Variants in ARMH3 observed in about 807,000 individuals in gnomAD.
The protein encoded by ARMH3 is armadillo like helical domain containing 3.
A neutral mutation model predicts 99.1 loss-of-function variants in ARMH3; 60 were observed. The ratio of observed to expected loss-of-function variants is 0.61; its 90% CI spans 0.49 to 0.75. The LOEUF (loss-of-function observed/expected upper bound fraction) is 0.75, where lower values mean the gene tolerates loss of function less well. ARMH3 is among the 30% of genes least tolerant of loss of function. The probability of loss-of-function intolerance (pLI) is 0.00; values close to 1 mark genes in which losing one functional copy is unlikely to be tolerated. For missense variants in ARMH3, 679 were observed against 843.1 expected (o/e 0.81, Z 2.41); for synonymous variants, 285 against 292.8 (o/e 0.97, Z 0.27).
chr10:101,922,739 A>C (rs1260525581), intron 23 of ARMH3, among the ~76,000 whole-genome samples: 1 of 152,246 alleles, frequency 6.6e-6, no homozygotes, highest in Non-Finnish European at 1.5e-5. Flanking sequence ...CTAGTAAATT[A>C]TCTCACAAGA....
intron 24 of ARMH3, among the ~76,000 whole-genome samples, chr10:101,869,297 C>G (rs2067079501): frequency 6.6e-6 from 1 of 150,596 alleles, no homozygotes; most frequent in Non-Finnish European, 1.5e-5. Context: ...AACAACTCAA[C>G]AACAAGGGAA....
chr10:101,873,396 G>A (rs1180283896), intron 24 of ARMH3, among the ~76,000 whole-genome samples: 1 of 151,576 alleles, frequency 6.6e-6, no homozygotes, highest in Non-Finnish European at 1.5e-5. Context: ...TGGGGGACAG[G>A]GCAAGATTCT....
intron 22 of ARMH3, among the ~76,000 whole-genome samples, chr10:101,948,321 T>G (rs545791095): frequency 2.0e-5 from 3 of 152,044 alleles, no homozygotes; most frequent in African/African-American, 7.2e-5. Context: ...AGTCCAAGAG[T>G]TTGAGGATGT....
chr10:101,859,865 T>A (rs767373666), intron 24 of ARMH3, among the ~76,000 whole-genome samples: 1 of 152,152 alleles, frequency 6.6e-6, no homozygotes, highest in Non-Finnish European at 1.5e-5. Flanking sequence ...TAAATTCCTT[T>A]AAATGCTATC....
intron 23 of ARMH3, among the ~76,000 whole-genome samples, chr10:101,939,177 A>G (rs766498681): frequency 6.6e-6 from 1 of 152,202 alleles, no homozygotes; most frequent in Admixed American, 6.5e-5. Flanking sequence ...TCAATTGTTT[A>G]TAAGAACAGT....
chr10:101,872,032 T>C (rs1378332490), intron 24 of ARMH3, among the ~76,000 whole-genome samples: 2 of 151,922 alleles, frequency 1.3e-5, no homozygotes, highest in Non-Finnish European at 2.9e-5. Context: ...ATGAACATTT[T>C]TGCAACCAGA....
intron 19 of ARMH3, among the ~76,000 whole-genome samples, chr10:101,976,197 A>G (rs1174477924): frequency 1.5e-5 from 2 of 136,802 alleles, no homozygotes; most frequent in East Asian, 4.8e-4. Context: ...AAAAAAAGCC[A>G]GGTGCAGTGG....
intron 14 of ARMH3, among the ~76,000 whole-genome samples, chr10:102,003,103 A>G (rs2066405053): frequency 6.6e-6 from 1 of 152,172 alleles, no homozygotes; most frequent in Non-Finnish European, 1.5e-5. Context: ...TCTGAGCCAC[A>G]GTCCCAATGA....
chr10:102,049,719 C>T (rs117217505), intron 1 of ARMH3, among the ~76,000 whole-genome samples: 5,330 of 151,560 alleles, frequency 0.035, 138 homozygotes, highest in Non-Finnish European at 0.052. Flanking sequence ...CCAGGCCTGG[C>T]TAACTTTTCA....
chr10:102,021,429 C>G (rs567171272), intron 8 of ARMH3, among the ~76,000 whole-genome samples: 37 of 150,960 alleles, frequency 2.5e-4, no homozygotes, highest in African/African-American at 9.0e-4. Context: ...GTCACCCAGA[C>G]TGGAGTGCAG....
At chr10:101,853,999 G>T (rs1016511883) in intron 24 of ARMH3, among the ~76,000 whole-genome samples, 11 of 152,192 alleles carry the variant, frequency 7.2e-5, no homozygotes, top group Non-Finnish European at 1.3e-4. Flanking sequence ...TGTAATCCCA[G>T]CTACTCGGGA....
chr10:102,049,525 G>A (rs1419125445), intron 1 of ARMH3, among the ~76,000 whole-genome samples: 13 of 151,486 alleles, frequency 8.6e-5, no homozygotes, highest in Non-Finnish European at 1.9e-4. Context: ...CTGGGGGATA[G>A]AGCGAGACTC....
At chr10:101,980,843 A>AC (rs1846196717) in intron 19 of ARMH3, among the ~76,000 whole-genome samples, 1 of 152,226 alleles carries the variant, frequency 6.6e-6, no homozygotes, top group African/African-American at 2.4e-5. Flanking sequence ...GATCAAGAAA[A>AC]TGTGGTACAT....
intron 24 of ARMH3, among the ~76,000 whole-genome samples, chr10:101,888,484 C>T (rs1056792792): frequency 8.5e-5 from 13 of 152,312 alleles, no homozygotes; most frequent in East Asian, 1.9e-4. Flanking sequence ...AGGAAAAAGG[C>T]TTGCTTGGTG....
At chr10:101,910,558 C>G (rs551704363) in intron 23 of ARMH3, among the ~76,000 whole-genome samples, 2 of 151,566 alleles carry the variant, frequency 1.3e-5, no homozygotes, top group East Asian at 3.9e-4. Context: ...GGCAAAACAT[C>G]GTCTCTACTA....
intron 1 of ARMH3, among the ~76,000 whole-genome samples, chr10:102,040,464 A>C (rs191443946): frequency 3.3e-5 from 5 of 152,360 alleles, no homozygotes; most frequent in African/African-American, 1.2e-4. Flanking sequence ...AAAGCCAGTC[A>C]GTGCCAGAAT....
At chr10:101,923,197 G>A (rs1050466385) in intron 23 of ARMH3, among the ~76,000 whole-genome samples, 1 of 152,078 alleles carries the variant, frequency 6.6e-6, no homozygotes, top group Non-Finnish European at 1.5e-5. Context: ...AAGAAGAAAA[G>A]GCCTCAGTGT....
chr10:102,029,737 G>A lies in ARMH3; in HGVS notation c.315C>T (p.Cys105=), dbSNP rs771464952. ...IRVVNALQTL[C]ALIRGVHQKN... ...TTTGATGGACTCCTCGAATGAGTGC[G>A]CACAGGGTCTGCAGAAATGAGAGAA... The change falls in exon 5 of 26, where the codon TGC becomes TGT. Residue 105 remains cysteine (C), a synonymous_variant. Transcript: ENST00000370033. 1.4e-5 allele frequency: 22 copies of A among 1,611,826 alleles called. No individual in the cohort carries two copies. Among genetic ancestry groups the A allele is most frequent in the African/African-American group, 5.3e-5 (4 of 74,846 alleles).
At chr10:101,897,043 T>C (rs781243409) in intron 23 of ARMH3, among the ~76,000 whole-genome samples, 20 of 152,308 alleles carry the variant, frequency 1.3e-4, no homozygotes, top group Non-Finnish European at 2.6e-4. Flanking sequence ...AGAAGAAAGT[T>C]TCTCTTATTC....
Sources: allele counts gnomAD v4.1 joint callset (sites outside exome capture counted in the v4.1 genomes callset), GRCh38; gene constraint gnomAD v4.1.1; transcripts MANE v1.5; gene names NCBI Gene and HGNC (gene_info 2026-07-23, HGNC 2026-07-21).